SLMAP: variants seen among roughly 807,000 people sequenced by gnomAD.
The protein encoded by SLMAP is sarcolemma associated protein, also known as sarcolemmal membrane-associated protein.
Under a neutral mutation model 128.8 loss-of-function variants are expected in SLMAP, and 44 were observed. The observed-to-expected ratio is 0.34, with a 90% CI of 0.27 to 0.44. SLMAP has a LOEUF of 0.44. SLMAP is among the 20% of genes least tolerant of loss of function. SLMAP has a pLI of 1.00. For synonymous variants in SLMAP, 327 were observed against 348.8 expected, an observed-to-expected ratio of 0.94 and a Z score of 0.70; for missense variants, 787 against 985.3, an observed-to-expected ratio of 0.80 and a Z score of 2.69.
intron 19 of SLMAP, 48 bp from the exon 20 acceptor site, chr3:57,912,333 A>T: frequency 6.6e-7 from 1 of 1,517,376 alleles, no homozygotes; most frequent in Non-Finnish European, 9.1e-7. Flanking sequence ...TGTATGGATT[A>T]TTCTTTTATT....
In SLMAP at chr3:57,795,366, C is replaced by T. The variant is rs548076430; in HGVS notation, c.199-36017C>T. Among the ~76,000 whole-genome samples, 523 of 152,144 alleles carry T rather than the reference C, an allele frequency of 3.4e-3. 2 individuals are homozygous for T. The highest frequency in any genetic ancestry group is 6.8e-3 in the Middle Eastern group (2 of 294). On this transcript the variant is annotated intron_variant, in intron 2 of 24. Transcript: ENST00000671191. ...CAGCCTGGCCAGCGTCGTGAAACCC[C>T]GTCTCTACTAAAAATACAAAAGATT...
Position 57,831,429 on chromosome 3 carries a change from GC to G in SLMAP, c.247del (p.Gln83ArgfsTer3). The G allele has an allele frequency of 6.3e-7, 1 of 1,587,938 alleles. No homozygotes were observed. Among genetic ancestry groups the G allele is most frequent in the Non-Finnish European group, 8.6e-7 (1 of 1,166,704 alleles). ...TKSSNGTFIN[S>X]QRLSRGSEES... ...AGTAGTAATGGTACTTTTATAAATA[GC>G]CAGAGATTGAGTCGAGGCTCTGAAG... On this transcript the variant is annotated frameshift_variant, in exon 3 of 25. Transcript: ENST00000671191. LOFTEE classifies it high-confidence loss of function.
At chr3:57,778,969 T>G (rs2082461640) in intron 2 of SLMAP, among the ~76,000 whole-genome samples, 1 of 152,192 alleles carries the variant, frequency 6.6e-6, no homozygotes, top group Non-Finnish European at 1.5e-5. Flanking sequence ...AAATTTTTTT[T>G]ATATGTTTGC....
rs1189313640 is a variant in SLMAP, at chr3:57,839,434, A to ATTT, written c.347-1843_347-1841dup. ...TAATATCCCCAAATGCATTAGCTCT[A>ATTT]TTTTTTTTTTTTTTTTTTTTTTTTG... On this transcript the variant is annotated intron_variant, in intron 3 of 24. Coordinates refer to ENST00000671191, the MANE Select transcript of SLMAP (RefSeq NM_001377540.1). Among the ~76,000 whole-genome samples, 401 of 82,870 alleles carry ATTT rather than the reference A, an allele frequency of 4.8e-3. 4 individuals are homozygous for ATTT. The highest frequency in any genetic ancestry group is 7.4e-3 in the African/African-American group (145 of 19,474). The allele number at this position is 82,870 out of a possible 152,430, so 54.4% of individuals were successfully genotyped here.
At chr3:57,866,813 G>T (rs1290255563) in intron 13 of SLMAP, among the ~76,000 whole-genome samples, 2 of 151,958 alleles carry the variant, frequency 1.3e-5, no homozygotes, top group African/African-American at 4.8e-5. Context: ...GAGCCCAGGA[G>T]GTCGAGGCTG....
chr3:57,862,178 T>G (rs1417871836), intron 10 of SLMAP, 92 bp downstream of exon 10: 5 of 1,071,128 alleles, frequency 4.7e-6, no homozygotes, highest in Non-Finnish European at 6.8e-6. Context: ...TAGCTGGGCG[T>G]GGGGTGGCGG....
chr3:57,875,728 A>G (rs752817222), intron 14 of SLMAP, among the ~76,000 whole-genome samples: 1 of 152,152 alleles, frequency 6.6e-6, no homozygotes, highest in African/African-American at 2.4e-5. Flanking sequence ...AAACTTTCCA[A>G]ATCTGTTCGT....
chr3:57,921,611 G>A (rs1031452312), intron 22 of SLMAP, among the ~76,000 whole-genome samples: 2 of 152,198 alleles, frequency 1.3e-5, no homozygotes, highest in African/African-American at 2.4e-5. Context: ...GGGTGACAGA[G>A]CTAGACTCCG....
chr3:57,798,984 G>A (rs2087483599), intron 2 of SLMAP, among the ~76,000 whole-genome samples: 5 of 152,042 alleles, frequency 3.3e-5, no homozygotes, highest in Admixed American at 2.0e-4. Flanking sequence ...GGGTAAGAAT[G>A]GAAATTATAT....
At chr3:57,880,366 T>A (rs1452877418) in intron 14 of SLMAP, among the ~76,000 whole-genome samples, 1 of 152,008 alleles carries the variant, frequency 6.6e-6, no homozygotes, top group East Asian at 1.9e-4. Flanking sequence ...CACGCCCAGC[T>A]AACTTTTGTA....
At position 57,929,940 on chromosome 3, in the gene SLMAP, A is replaced by G. The variant is rs112269834; in HGVS notation, c.*2651A>G. On this transcript the variant is annotated 3_prime_UTR_variant, in exon 25 of 25. Coordinates refer to ENST00000671191, the MANE Select transcript of SLMAP (RefSeq NM_001377540.1). ...ATGTCATACTGAAAAAATATTGCAA[A>G]TATTAAAGTTTTAGGTAAGCCTAAA... 3.2e-3 allele frequency among the ~76,000 whole-genome samples: 490 copies of G among 152,352 alleles called. 3 individuals are homozygous for G. The highest frequency in any genetic ancestry group is 0.011 in the African/African-American group (468 of 41,578).
chr3:57,834,615 A>C (rs1276135807), intron 3 of SLMAP, among the ~76,000 whole-genome samples: 1 of 152,128 alleles, frequency 6.6e-6, no homozygotes, highest in Non-Finnish European at 1.5e-5. Context: ...AAGACACCAG[A>C]AACAGAGGGA....
intron 14 of SLMAP, among the ~76,000 whole-genome samples, chr3:57,883,937 C>CTTT (rs56691913): frequency 1.6e-5 from 2 of 126,548 alleles, no homozygotes; most frequent in Admixed American, 8.3e-5. Context: ...TCTTTTCTTT[C>CTTT]TTTTTTTTTT....
chr3:57,908,839 G>C (rs1182695699), intron 18 of SLMAP, among the ~76,000 whole-genome samples: 1 of 152,094 alleles, frequency 6.6e-6, no homozygotes, highest in Non-Finnish European at 1.5e-5. Flanking sequence ...TATTGTCTTG[G>C]TGATACCAGG....
chr3:57,848,890 G>A (rs923983067), intron 5 of SLMAP, among the ~76,000 whole-genome samples: 1 of 151,380 alleles, frequency 6.6e-6, no homozygotes, highest in African/African-American at 2.4e-5. Context: ...TACGTTTTTA[G>A]TAGAGACGGG....
intron 2 of SLMAP, among the ~76,000 whole-genome samples, chr3:57,758,925 T>G (rs2078090393): frequency 6.6e-6 from 1 of 151,060 alleles, no homozygotes; most frequent in Non-Finnish European, 1.5e-5. Flanking sequence ...TTTTTGCCCC[T>G]CTTTCTGAGT....
chr3:57,756,324 G>A lies in SLMAP; in HGVS notation c.-1123G>A, dbSNP rs1445624894. The A allele has an allele frequency of 6.5e-6, 1 of 153,506 alleles. No homozygotes were observed. Among genetic ancestry groups the A allele is most frequent in the Non-Finnish European group, 1.4e-5 (1 of 69,056 alleles). The allele number at this position is 153,506 out of a possible 1,614,324, so 9.5% of individuals were successfully genotyped here. A position where few individuals can be genotyped will look rare whatever the true frequency, so the allele number is the denominator to read the frequency against. On this transcript the variant is annotated 5_prime_UTR_variant, in exon 1 of 25. An upstream start codon of the reference 5' UTR is lost. Transcript: ENST00000671191. ...GGTAGGTTTCAGTCAGAGTCACTAT[G>A]GCGGCCGGCGCTGGCAAGGTAAGCT...
At chr3:57,912,822 T>G in intron 20 of SLMAP, 121 bp downstream of exon 20, 3 of 649,408 alleles carry the variant, frequency 4.6e-6, no homozygotes, top group Non-Finnish European at 7.3e-6. Context: ...TATAAACCAA[T>G]GTTTTTAAAT....
At chr3:57,865,111 A>G in intron 12 of SLMAP, 131 bp from the exon 13 acceptor site, 3 of 604,198 alleles carry the variant, frequency 5.0e-6, no homozygotes, top group African/African-American at 1.9e-5. Flanking sequence ...AAGTACATGA[A>G]CAGCAGGATC....
Sources: gnomAD v4.1 joint callset for allele counts (sites outside exome capture counted in the v4.1 genomes callset) on GRCh38, gnomAD v4.1.1 for gene constraint, MANE v1.5 for transcripts, NCBI Gene and HGNC (gene_info 2026-07-23, HGNC 2026-07-21) for gene names.